The following AGBL4 variants were observed in gnomAD, a reference collection of about 807,000 sequenced individuals.
AGBL4 encodes the protein AGBL carboxypeptidase 4, also known as cytosolic carboxypeptidase 6.
A neutral mutation model predicts 66.4 loss-of-function variants in AGBL4; 58 were observed. That is an observed-to-expected ratio of 0.87 (90% CI 0.71 to 1.09). The LOEUF (loss-of-function observed/expected upper bound fraction) is 1.09, where lower values mean the gene tolerates loss of function less well. Among genes scored for constraint, AGBL4 ranks in the 50% least tolerant of loss-of-function variants. The pLI is 0.00. For synonymous variants in AGBL4, 234 were observed against 222.9 expected (o/e 1.05, Z -0.44); for missense variants, 579 against 631.0 (o/e 0.92, Z 0.88).
chr1:49,698,744 T>C (rs1647032583), intron 2 of AGBL4, among the ~76,000 whole-genome samples: 1 of 152,110 alleles, frequency 6.6e-6, no homozygotes, highest in Non-Finnish European at 1.5e-5. Context: ...CTTTTTTCCC[T>C]CTAAAAGTTC....
At chr1:49,342,462 T>C (rs1010304998) in intron 3 of AGBL4, among the ~76,000 whole-genome samples, 1 of 152,120 alleles carries the variant, frequency 6.6e-6, no homozygotes, top group Non-Finnish European at 1.5e-5. Flanking sequence ...TTCCCTCTCA[T>C]TTTGTTTTAT....
At chr1:49,379,359 C>T (rs890435693) in intron 3 of AGBL4, among the ~76,000 whole-genome samples, 4 of 152,078 alleles carry the variant, frequency 2.6e-5, no homozygotes, top group Non-Finnish European at 5.9e-5. Flanking sequence ...GAGTTTATGT[C>T]TTATTTAATG....
At chr1:49,734,378 G>A (rs72903707) in intron 2 of AGBL4, among the ~76,000 whole-genome samples, 10,323 of 152,066 alleles carry the variant, frequency 0.068, 1,126 homozygotes, top group African/African-American at 0.23. Flanking sequence ...CACAGATGAT[G>A]TGATCCTATA....
intron 3 of AGBL4, among the ~76,000 whole-genome samples, chr1:49,580,236 T>C: frequency 6.6e-6 from 1 of 152,214 alleles, no homozygotes; most frequent in East Asian, 1.9e-4. Flanking sequence ...GTATGCAGCA[T>C]ATAGTCGGAT....
Position 48,634,614 on chromosome 1 carries a change from A to G in AGBL4, c.840-10T>C, listed in dbSNP as rs1293050950. 1.3e-6 allele frequency: 2 copies of G among 1,575,246 alleles called. No individual in the cohort carries two copies. The stretch of plus-strand genomic sequence containing the variant: ...TCCCATCAGAGAACACCTAGGCAGT[A>G]CCCAAAGTAAGAGTCAATATAGACA... On this transcript the variant is annotated splice_polypyrimidine_tract_variant and intron_variant, in intron 8 of 13. Coordinates refer to ENST00000371839, the MANE Select transcript of AGBL4 (RefSeq NM_032785.4).
intron 1 of AGBL4, among the ~76,000 whole-genome samples, chr1:49,930,641 C>T (rs1421039869): frequency 1.3e-5 from 2 of 151,958 alleles, no homozygotes; most frequent in African/African-American, 2.4e-5. Flanking sequence ...AAAAATCAAC[C>T]AATCATCAAA....
chr1:49,635,831 G>A (rs1645660255), intron 3 of AGBL4, among the ~76,000 whole-genome samples: 1 of 152,160 alleles, frequency 6.6e-6, no homozygotes, highest in Non-Finnish European at 1.5e-5. Context: ...GGCTATTTAA[G>A]CTAAACAAGT....
At chr1:49,738,577 C>G (rs1650110523) in intron 2 of AGBL4, among the ~76,000 whole-genome samples, 1 of 152,168 alleles carries the variant, frequency 6.6e-6, no homozygotes, top group African/African-American at 2.4e-5. Flanking sequence ...CAGCATGCAG[C>G]TAGAGATGTG....
At chr1:49,584,086 G>T (rs981599198) in intron 3 of AGBL4, among the ~76,000 whole-genome samples, 28 of 152,064 alleles carry the variant, frequency 1.8e-4, no homozygotes, top group African/African-American at 6.5e-4. Context: ...GCTTTGTGGA[G>T]AGTCTTTAGG....
chr1:49,562,551 T>C (rs569270402), intron 3 of AGBL4, among the ~76,000 whole-genome samples: 57 of 152,290 alleles, frequency 3.7e-4, no homozygotes, highest in African/African-American at 1.3e-3. Flanking sequence ...CCCAGCACCA[T>C]TTATTAAATA....
At chr1:48,647,492 C>G (rs1421395342) in intron 8 of AGBL4, 1 of 321,512 alleles carries the variant, frequency 3.1e-6, no homozygotes, top group Non-Finnish European at 6.3e-6. Flanking sequence ...TGAGGCTGTA[C>G]CTGGTAATTA....
intron 4 of AGBL4, among the ~76,000 whole-genome samples, chr1:49,211,133 T>A (rs1648635891): frequency 6.6e-6 from 1 of 152,108 alleles, no homozygotes; most frequent in Non-Finnish European, 1.5e-5. Flanking sequence ...ATCCATGTAA[T>A]TGCTTTTAAA....
chr1:48,758,977 GC>G (rs769408885), intron 6 of AGBL4: 1 of 1,612,536 alleles, frequency 6.2e-7, no homozygotes, highest in Non-Finnish European at 8.5e-7. Flanking sequence ...AGACACAAGT[GC>G]CCCGTACTCC....
intron 3 of AGBL4, among the ~76,000 whole-genome samples, chr1:49,684,862 A>T (rs1380404625): frequency 6.6e-6 from 1 of 151,978 alleles, no homozygotes; most frequent in East Asian, 1.9e-4. Flanking sequence ...ATTTCCTGAC[A>T]CCCAGCCCAA....
intron 3 of AGBL4, among the ~76,000 whole-genome samples, chr1:49,410,826 C>T (rs1645300079): frequency 1.3e-5 from 2 of 152,156 alleles, no homozygotes; most frequent in Admixed American, 1.3e-4. Context: ...ATGATGATGA[C>T]AACAATGACA....
intron 3 of AGBL4, among the ~76,000 whole-genome samples, chr1:49,379,838 C>G (rs565385217): frequency 4.6e-4 from 70 of 152,036 alleles, no homozygotes; most frequent in African/African-American, 1.2e-3. Flanking sequence ...GTCTAAAATT[C>G]TCTTTTTTGG....
intron 1 of AGBL4, among the ~76,000 whole-genome samples, chr1:49,913,979 A>C (rs1295314937): frequency 6.6e-6 from 1 of 152,204 alleles, no homozygotes; most frequent in Admixed American, 6.5e-5. Flanking sequence ...TAATGGAAGG[A>C]GCATCCTTAA....
intron 5 of AGBL4, among the ~76,000 whole-genome samples, chr1:49,000,253 G>A (rs1035132437): frequency 2.6e-5 from 4 of 152,128 alleles, no homozygotes; most frequent in Admixed American, 6.6e-5. Context: ...AGTCTGGTTT[G>A]AGTCCATGCT....
At chr1:49,384,764 ATG>A (rs1210257943) in intron 3 of AGBL4, among the ~76,000 whole-genome samples, 2 of 152,286 alleles carry the variant, frequency 1.3e-5, no homozygotes, top group East Asian at 3.9e-4. Flanking sequence ...GTTGACAAGA[ATG>A]TGGAGAAATT....
Sources: allele counts gnomAD v4.1 joint callset (sites outside exome capture counted in the v4.1 genomes callset), GRCh38; gene constraint gnomAD v4.1.1; transcripts MANE v1.5; gene names NCBI Gene and HGNC (gene_info 2026-07-23, HGNC 2026-07-21).